Variants in HPSE2 observed in about 807,000 individuals in gnomAD.
The protein encoded by HPSE2 is heparanase 2 (inactive), also known as inactive heparanase-2.
HPSE2 carries 38 observed loss-of-function variants against 60.5 expected under a neutral mutation model. The observed-to-expected ratio is 0.63, with a 90% CI of 0.48 to 0.82. The LOEUF (loss-of-function observed/expected upper bound fraction) is 0.82, where lower values mean the gene tolerates loss of function less well. Ranked by LOEUF, HPSE2 falls within the 40% of genes least tolerant of loss-of-function variation. The pLI, the probability that HPSE2 is intolerant of heterozygous loss-of-function variation, is 0.00. For missense variants in HPSE2, 713 were observed against 740.4 expected (o/e 0.96, Z 0.43); for synonymous variants, 295 against 293.2 (o/e 1.01, Z -0.06).
At chr10:99,164,734 T>C (rs1564859386) in intron 2 of HPSE2, among the ~76,000 whole-genome samples, 1 of 152,170 alleles carries the variant, frequency 6.6e-6, no homozygotes, top group African/African-American at 2.4e-5. Context: ...CACTAAAGAA[T>C]TCATTTTAGG....
intron 5 of HPSE2, among the ~76,000 whole-genome samples, chr10:98,710,885 C>G (rs1948660852): frequency 6.6e-6 from 1 of 152,008 alleles, no homozygotes; most frequent in African/African-American, 2.4e-5. Context: ...GATTTTTTCT[C>G]AAGATAGAGT....
chr10:99,232,560 T>TG, intron 1 of HPSE2, 55 bp from the exon 2 acceptor site: 1 of 1,538,854 alleles, frequency 6.5e-7, no homozygotes, highest in Non-Finnish European at 8.8e-7. Flanking sequence ...CGAGAGCGCG[T>TG]GGGGCACGGA....
intron 10 of HPSE2, among the ~76,000 whole-genome samples, chr10:98,484,107 A>G (rs966018020): frequency 6.6e-6 from 1 of 152,324 alleles, no homozygotes; most frequent in East Asian, 1.9e-4. Flanking sequence ...TAATACTGAC[A>G]TGCAGCATTT....
intron 9 of HPSE2, among the ~76,000 whole-genome samples, chr10:98,552,777 G>C (rs1943899239): frequency 6.6e-6 from 1 of 152,030 alleles, no homozygotes; most frequent in African/African-American, 2.4e-5. Flanking sequence ...TCAGTTGACA[G>C]CATCTTAGAT....
At chr10:98,986,925 C>G (rs1956372910) in intron 3 of HPSE2, among the ~76,000 whole-genome samples, 2 of 152,110 alleles carry the variant, frequency 1.3e-5, no homozygotes, top group Admixed American at 1.3e-4. Context: ...CACATAAACC[C>G]TCCCAAGACT....
chr10:98,935,788 T>C (rs907800917), intron 3 of HPSE2, among the ~76,000 whole-genome samples: 1 of 144,914 alleles, frequency 6.9e-6, no homozygotes, highest in Non-Finnish European at 1.5e-5. Context: ...GAGGAGGCAG[T>C]CTGTCCCTTA....
chr10:98,575,701 C>A (rs1461638850), intron 9 of HPSE2, among the ~76,000 whole-genome samples: 1 of 152,152 alleles, frequency 6.6e-6, no homozygotes, highest in Admixed American at 6.6e-5. Flanking sequence ...GGGGCTAGAA[C>A]AAAACATCAT....
intron 2 of HPSE2, among the ~76,000 whole-genome samples, chr10:99,151,098 C>T (rs965828503): frequency 4.0e-5 from 6 of 151,580 alleles, no homozygotes; most frequent in Non-Finnish European, 8.8e-5. Context: ...TACCTAAAAA[C>T]AAAGAAAACA....
intron 3 of HPSE2, among the ~76,000 whole-genome samples, chr10:99,101,272 C>A (rs941562118): frequency 4.0e-5 from 6 of 151,808 alleles, no homozygotes; most frequent in African/African-American, 7.3e-5. Flanking sequence ...CACATAGGCT[C>A]AAAATAAAGG....
At position 98,739,462 on chromosome 10, in the gene HPSE2, A is replaced by C. The variant is rs72842311; in HGVS notation, c.784+4421T>G. On this transcript the variant is annotated intron_variant, in intron 4 of 11. Coordinates refer to ENST00000370552, the MANE Select transcript of HPSE2 (RefSeq NM_021828.5). Reference sequence around the variant, plus strand: ...TTCTGCACATGTAAAAAAAAAAAGAAGAAGAAAAAAAGAAAAAAAAGTACA... The same window carrying C: ...TTCTGCACATGTAAAAAAAAAAAGACGAAGAAAAAAAGAAAAAAAAGTACA... 7.7e-3 allele frequency among the ~76,000 whole-genome samples: 1,165 copies of C among 152,180 alleles called. 9 individuals carry two copies. The highest frequency in any genetic ancestry group is 0.027 in the South Asian group (132 of 4,820).
chr10:98,563,046 G>GT (rs1231225687), intron 9 of HPSE2, among the ~76,000 whole-genome samples: 1 of 152,096 alleles, frequency 6.6e-6, no homozygotes, highest in African/African-American at 2.4e-5. Context: ...TACACACAGA[G>GT]TTACCATATG....
At chr10:98,668,441 A>T (rs1947424579) in intron 6 of HPSE2, among the ~76,000 whole-genome samples, 1 of 152,180 alleles carries the variant, frequency 6.6e-6, no homozygotes, top group Non-Finnish European at 1.5e-5. Flanking sequence ...ACCAAAAAGG[A>T]GCCCGATTAG....
intron 3 of HPSE2, among the ~76,000 whole-genome samples, chr10:99,134,418 G>A (rs4917853): frequency 0.49 from 74,921 of 151,932 alleles, 20,941 homozygotes; most frequent in East Asian, 0.65. Context: ...ACACATTATC[G>A]TCAGATTCAC....
At chr10:98,478,807 G>A (rs1490454808) in intron 11 of HPSE2, among the ~76,000 whole-genome samples, 1 of 152,100 alleles carries the variant, frequency 6.6e-6, no homozygotes, top group African/African-American at 2.4e-5. Context: ...ACTCTTGTTT[G>A]TACACACTGC....
intron 3 of HPSE2, among the ~76,000 whole-genome samples, chr10:98,796,217 T>G (rs1950776326): frequency 6.6e-6 from 1 of 152,208 alleles, no homozygotes; most frequent in East Asian, 1.9e-4. Context: ...GACAAGCAGT[T>G]TCTGGGGGTC....
chr10:98,868,074 AAAGAAAATAAATAAAT>A (rs1228867198), intron 3 of HPSE2, among the ~76,000 whole-genome samples: 89 of 104,864 alleles, frequency 8.5e-4, no homozygotes, highest in Non-Finnish European at 1.2e-3. Flanking sequence ...AAAAAGAAAG[AAAGAAAATAAATAAAT>A]AAATAAATAA....
intron 3 of HPSE2, among the ~76,000 whole-genome samples, chr10:98,906,829 G>C (rs1387810381): frequency 4.0e-5 from 6 of 151,884 alleles, no homozygotes; most frequent in Non-Finnish European, 7.4e-5. Context: ...ACGTGAACCT[G>C]GGAGACAGAG....
At chr10:98,801,778 T>G (rs529940258) in intron 3 of HPSE2, among the ~76,000 whole-genome samples, 1 of 152,182 alleles carries the variant, frequency 6.6e-6, no homozygotes, top group Non-Finnish European at 1.5e-5. Flanking sequence ...CAGACCAATC[T>G]ACAGATTCAA....
At chr10:98,915,160 TTTTTTGAGATG>T (rs1456559391) in intron 3 of HPSE2, among the ~76,000 whole-genome samples, 1 of 151,646 alleles carries the variant, frequency 6.6e-6, no homozygotes, top group Non-Finnish European at 1.5e-5. Context: ...CCTTTTTTTT[TTTTTTGAGATG>T]GAGTCTCACA....
Sources: gnomAD v4.1 joint callset for allele counts (sites outside exome capture counted in the v4.1 genomes callset) on GRCh38, gnomAD v4.1.1 for gene constraint, MANE v1.5 for transcripts, NCBI Gene and HGNC (gene_info 2026-07-23, HGNC 2026-07-21) for gene names.